CBLB: variants seen among roughly 807,000 people sequenced by gnomAD.
CBLB encodes Cbl proto-oncogene B, also known as E3 ubiquitin-protein ligase CBL-B.
In CBLB, 31 loss-of-function variants were observed where a neutral mutation model predicts 104.9. The observed-to-expected ratio is 0.30, with a 90% CI of 0.22 to 0.40. The LOEUF (loss-of-function observed/expected upper bound fraction) is 0.40, where lower values mean the gene tolerates loss of function less well. CBLB is among the 10% of genes least tolerant of loss of function. CBLB has a pLI of 1.00. For synonymous variants in CBLB, 440 were observed against 422.6 expected (o/e 1.04, Z -0.51); for missense variants, 1,062 against 1,214.6 (o/e 0.87, Z 1.87).
chr3:105,761,846 G>C (rs970955828), intron 4 of CBLB, among the ~76,000 whole-genome samples: 5 of 152,174 alleles, frequency 3.3e-5, no homozygotes, highest in African/African-American at 1.2e-4. Context: ...GAAGATGTGG[G>C]AAAGTTTGGA....
At chr3:105,831,520 A>G (rs2087517979) in intron 3 of CBLB, among the ~76,000 whole-genome samples, 1 of 152,262 alleles carries the variant, frequency 6.6e-6, no homozygotes, top group South Asian at 2.1e-4. Flanking sequence ...TGTTCTGACA[A>G]AAAGTAAAAG....
intron 9 of CBLB, among the ~76,000 whole-genome samples, chr3:105,733,693 C>A (rs1049685576): frequency 2.0e-5 from 3 of 152,104 alleles, no homozygotes; most frequent in African/African-American, 4.8e-5. Flanking sequence ...TGACCTACTA[C>A]AAACAGATTC....
intron 2 of CBLB, 33 bp downstream of exon 2, chr3:105,867,377 T>G: frequency 6.3e-7 from 1 of 1,595,096 alleles, no homozygotes; most frequent in Non-Finnish European, 8.6e-7. Context: ...AAGTGAATAG[T>G]GTTTCGCACA....
intron 3 of CBLB, among the ~76,000 whole-genome samples, chr3:105,778,184 CAAT>C (rs1302642462): frequency 2.6e-5 from 4 of 151,580 alleles, no homozygotes; most frequent in Non-Finnish European, 5.9e-5. Flanking sequence ...TGTTAGGACT[CAAT>C]AAAAATATAG....
rs78799384 is a variant in CBLB at position 105,811,584 on chromosome 3, G to A, written c.420-35042C>T. 6.2e-3 allele frequency among the ~76,000 whole-genome samples: 950 copies of A among 152,246 alleles called. 31 individuals are homozygous for A. The highest frequency in any genetic ancestry group is 0.052 in the East Asian group (270 of 5,182). On this transcript the variant is annotated intron_variant, in intron 3 of 18. Coordinates refer to ENST00000394030, the MANE Select transcript of CBLB (RefSeq NM_170662.5). ...CTACTATTGATATTGTGCTACAGAC[G>A]TTAACACTGAGGCAAACTGGGTAAA... is the stretch of plus-strand genomic sequence containing the variant.
At chr3:105,784,731 T>C (rs2080757938) in intron 3 of CBLB, among the ~76,000 whole-genome samples, 2 of 152,224 alleles carry the variant, frequency 1.3e-5, no homozygotes, top group Admixed American at 1.3e-4. Context: ...CTATTTCTAC[T>C]TGTTACACCA....
At chr3:105,666,553 G>C (rs1171288653) in intron 18 of CBLB, among the ~76,000 whole-genome samples, 1 of 152,118 alleles carries the variant, frequency 6.6e-6, no homozygotes, top group Non-Finnish European at 1.5e-5. Context: ...GGGCATGATG[G>C]TGGATGCCTG....
intron 3 of CBLB, among the ~76,000 whole-genome samples, chr3:105,795,180 G>C (rs1192895119): frequency 6.6e-6 from 1 of 152,126 alleles, no homozygotes; most frequent in Non-Finnish European, 1.5e-5. Context: ...CGAAAGTGCT[G>C]GGATTACAGG....
intron 3 of CBLB, among the ~76,000 whole-genome samples, chr3:105,822,713 G>A (rs913939997): frequency 1.3e-5 from 2 of 152,066 alleles, no homozygotes; most frequent in African/African-American, 2.4e-5. Context: ...TTTCCATCTT[G>A]TGTTTTCTTT....
chr3:105,796,663 G>A (rs1475395452), intron 3 of CBLB, among the ~76,000 whole-genome samples: 1 of 152,122 alleles, frequency 6.6e-6, no homozygotes, highest in Admixed American at 6.5e-5. Context: ...TACAGAATGG[G>A]AGAAAATATT....
chr3:105,809,893 G>A (rs1577391366), intron 3 of CBLB, among the ~76,000 whole-genome samples: 1 of 152,038 alleles, frequency 6.6e-6, no homozygotes, highest in Non-Finnish European at 1.5e-5. Context: ...GAAATTCAGT[G>A]AGAAAAAAAG....
At chr3:105,683,340 C>T (rs1431305304) in intron 14 of CBLB, among the ~76,000 whole-genome samples, 1 of 152,180 alleles carries the variant, frequency 6.6e-6, no homozygotes, top group Non-Finnish European at 1.5e-5. Context: ...CTTCATCCAT[C>T]AGCTTTCAAG....
At chr3:105,682,472 G>T (rs993797620) in intron 14 of CBLB, among the ~76,000 whole-genome samples, 1 of 152,024 alleles carries the variant, frequency 6.6e-6, no homozygotes, top group African/African-American at 2.4e-5. Context: ...GTTTGTAAAG[G>T]GTACTACTTA....
At chr3:105,710,931 A>G (rs1264646597) in intron 10 of CBLB, among the ~76,000 whole-genome samples, 1 of 152,022 alleles carries the variant, frequency 6.6e-6, no homozygotes, top group Admixed American at 6.6e-5. Context: ...GAAGTAAAGT[A>G]GTCAAAAGCC....
chr3:105,780,992 A>C (rs1447077856), intron 3 of CBLB, among the ~76,000 whole-genome samples: 1 of 152,170 alleles, frequency 6.6e-6, no homozygotes, highest in Admixed American at 6.5e-5. Context: ...CAAATATTTT[A>C]AAATACCAAA....
At chr3:105,740,686 A>C in intron 6 of CBLB, 55 bp from the exon 7 acceptor site, 3 of 1,459,338 alleles carry the variant, frequency 2.1e-6, no homozygotes, top group Non-Finnish European at 2.9e-6. Flanking sequence ...AATCAATACT[A>C]AACAATTTGT....
At chr3:105,687,693 T>C (rs1480064270) in intron 13 of CBLB, among the ~76,000 whole-genome samples, 1 of 151,960 alleles carries the variant, frequency 6.6e-6, no homozygotes, top group Non-Finnish European at 1.5e-5. Flanking sequence ...TGTTTTTTAA[T>C]GAAAATGTTT....
intron 4 of CBLB, among the ~76,000 whole-genome samples, chr3:105,768,420 A>G (rs939593418): frequency 1.3e-5 from 2 of 152,242 alleles, no homozygotes; most frequent in South Asian, 2.1e-4. Flanking sequence ...AGAACAGAAC[A>G]TAAGTAAAGG....
chr3:105,863,732 GC>G (rs2092265093), intron 2 of CBLB, among the ~76,000 whole-genome samples: 1 of 152,152 alleles, frequency 6.6e-6, no homozygotes, highest in African/African-American at 2.4e-5. Flanking sequence ...GGCAGGAAAA[GC>G]CTACTGGGCA....
Sources: allele counts gnomAD v4.1 joint callset (sites outside exome capture counted in the v4.1 genomes callset), GRCh38; gene constraint gnomAD v4.1.1; transcripts MANE v1.5; gene names NCBI Gene and HGNC (gene_info 2026-07-23, HGNC 2026-07-21).